Variants in TRPM3 observed in about 807,000 individuals in gnomAD.
TRPM3 encodes the protein long transient receptor potential channel 3.
A neutral mutation model predicts 181.2 loss-of-function variants in TRPM3; 77 were observed. That is an observed-to-expected ratio of 0.42 (90% CI 0.35 to 0.51). The LOEUF is 0.51. Among genes scored for constraint, TRPM3 ranks in the 20% least tolerant of loss-of-function variants. TRPM3 has a pLI of 0.01. For synonymous variants in TRPM3, 745 were observed against 796.4 expected (o/e 0.94, Z 1.09); for missense variants, 1,759 against 2,196.7 (o/e 0.80, Z 3.98).
At chr9:71,187,219 T>G (rs1285951380) in intron 1 of TRPM3, among the ~76,000 whole-genome samples, 1 of 152,016 alleles carries the variant, frequency 6.6e-6, no homozygotes, top group African/African-American at 2.4e-5. Context: ...TCCCCTCATT[T>G]CTAATTGGTT....
chr9:71,242,066 A>T (rs532731446), intron 1 of TRPM3, among the ~76,000 whole-genome samples: 1 of 152,360 alleles, frequency 6.6e-6, no homozygotes, highest in Non-Finnish European at 1.5e-5. Flanking sequence ...TAACTTGGGA[A>T]ATCACTGCCC....
intron 1 of TRPM3, among the ~76,000 whole-genome samples, chr9:71,189,162 A>T (rs2077861341): frequency 6.6e-6 from 1 of 151,764 alleles, no homozygotes; most frequent in Admixed American, 6.6e-5. Flanking sequence ...CAGTCCCTAG[A>T]CTCCTACTTC....
intron 1 of TRPM3, among the ~76,000 whole-genome samples, chr9:71,266,147 T>G (rs1466446686): frequency 1.3e-5 from 2 of 152,206 alleles, no homozygotes; most frequent in African/African-American, 4.8e-5. Flanking sequence ...GTTTTCATAT[T>G]GTAGCTCCCC....
At chr9:70,789,935 G>A (rs191251162) in intron 6 of TRPM3, among the ~76,000 whole-genome samples, 2 of 152,298 alleles carry the variant, frequency 1.3e-5, no homozygotes, top group Non-Finnish European at 2.9e-5. Flanking sequence ...GACTGGGAGA[G>A]GCATTGTGAG....
intron 1 of TRPM3, among the ~76,000 whole-genome samples, chr9:71,397,187 T>C (rs994761496): frequency 6.6e-6 from 1 of 152,188 alleles, no homozygotes; most frequent in Non-Finnish European, 1.5e-5. Context: ...TCCATTTAGA[T>C]AAAGATCATT....
Position 70,828,761 on chromosome 9 carries a change from A to G in TRPM3, c.802-743T>C, listed in dbSNP as rs1288314622. On this transcript the variant is annotated intron_variant, in intron 5 of 25. Coordinates refer to ENST00000677713, the MANE Select transcript of TRPM3 (RefSeq NM_001366145.2). ...CTATTGCGAGCTAGTTGCTCTATAC[A>G]TGTTATCTATATTCCTTGCGACGAT... Among the ~76,000 whole-genome samples the G allele has an allele frequency of 2.0e-5, 3 of 147,764 alleles. No individual in the cohort carries two copies. The East Asian group carries it at 5.9e-4, about 29-fold the overall frequency.
chr9:71,196,927 G>C (rs1360525034), intron 1 of TRPM3, among the ~76,000 whole-genome samples: 2 of 151,092 alleles, frequency 1.3e-5, no homozygotes, highest in African/African-American at 2.4e-5. Flanking sequence ...GTGCAGGTTA[G>C]TTACATATGT....
upstream of TRPM3, among the ~76,000 whole-genome samples, chr9:71,122,957 CATGT>C (rs1314947249): frequency 3.3e-5 from 5 of 152,192 alleles, no homozygotes; most frequent in African/African-American, 4.8e-5. Context: ...TAACGGCTCA[CATGT>C]ATCACCTAGC....
At chr9:70,905,098 T>C (rs766843961) in intron 1 of TRPM3, among the ~76,000 whole-genome samples, 16 of 152,176 alleles carry the variant, frequency 1.1e-4, no homozygotes, top group Non-Finnish European at 1.5e-4. Flanking sequence ...AATCATGGAT[T>C]ATCCACTTTC....
chr9:71,324,618 T>A (rs2089512629), intron 1 of TRPM3, among the ~76,000 whole-genome samples: 1 of 152,072 alleles, frequency 6.6e-6, no homozygotes, highest in African/African-American at 2.4e-5. Flanking sequence ...CAATACTGGG[T>A]ATCTATTCAA....
rs116299376 is a variant in TRPM3 at position 71,113,523 on chromosome 9, A to G, written c.177+7655T>C. Reference sequence around the variant, plus strand: ...TCTGCTGCAAAGTTTTTCTGCCTCTAATCATGAAAGTGTACAGTCTCCTAA... The same window carrying G: ...TCTGCTGCAAAGTTTTTCTGCCTCTGATCATGAAAGTGTACAGTCTCCTAA... On this transcript the variant is annotated intron_variant, in intron 1 of 25. Coordinates refer to ENST00000677713, the MANE Select transcript of TRPM3 (RefSeq NM_001366145.2). Among the ~76,000 whole-genome samples the G allele has an allele frequency of 4.7e-3, 710 of 152,300 alleles. 6 individuals are homozygous for G. Among genetic ancestry groups the G allele is most frequent in the African/African-American group, 0.015 (626 of 41,594 alleles).
intron 1 of TRPM3, among the ~76,000 whole-genome samples, chr9:71,420,799 GAAAGAGAGAAAGAA>G (rs1565557510): frequency 0.019 from 39 of 2,048 alleles, no homozygotes; most frequent in East Asian, 0.068. Context: ...GAGAGAGAAA[GAAAGAGAGAAAGAA>G]AGAGAGAAAG....
chr9:70,971,662 T>A (rs996245376), intron 1 of TRPM3, among the ~76,000 whole-genome samples: 12 of 152,248 alleles, frequency 7.9e-5, no homozygotes, highest in African/African-American at 2.9e-4. Flanking sequence ...GAGATAAATT[T>A]GTATTTTGGT....
chr9:70,625,233 C>T lies in TRPM3; in HGVS notation c.1767G>A (p.Lys589=), dbSNP rs1310843642. The T allele has an allele frequency of 6.2e-7, 1 of 1,614,134 alleles. No homozygotes were observed. The highest frequency in any genetic ancestry group is 8.5e-7 in the Non-Finnish European group (1 of 1,180,024). The change falls in exon 14 of 26, where the codon AAG becomes AAA. Residue 589 remains lysine, a synonymous_variant. Transcript: ENST00000677713. The surrounding 1 kb of genome is among the most constrained non-coding windows in gnomAD (Gnocchi z 4.8). ...GGAYRCNYTR[K]RFRTLYHNLF... Reference sequence around the variant, plus strand: ...GGTTGTGGTAGAGGGTCCGGAAGCGCTTGCGCGTGTAGTTGCAGCGATAAG... The same window carrying T: ...GGTTGTGGTAGAGGGTCCGGAAGCGTTTGCGCGTGTAGTTGCAGCGATAAG...
chr9:71,425,196 T>C (rs966768410), intron 1 of TRPM3, among the ~76,000 whole-genome samples: 1 of 152,152 alleles, frequency 6.6e-6, no homozygotes, highest in East Asian at 1.9e-4. Flanking sequence ...TGTACTATCA[T>C]CCTAATTAAC....
At chr9:70,944,858 A>G (rs538567696) in intron 1 of TRPM3, among the ~76,000 whole-genome samples, 8 of 151,840 alleles carry the variant, frequency 5.3e-5, no homozygotes, top group South Asian at 2.1e-4. Context: ...ATCTTCTCCC[A>G]TTGCATAGAG....
At chr9:70,924,854 CTAAGAA>C in intron 1 of TRPM3, among the ~76,000 whole-genome samples, 1 of 152,138 alleles carries the variant, frequency 6.6e-6, no homozygotes, top group African/African-American at 2.4e-5. Context: ...CAACAACCAT[CTAAGAA>C]CTCTTATTTT....
intron 1 of TRPM3, among the ~76,000 whole-genome samples, chr9:70,986,226 T>A (rs1564907184): frequency 6.6e-6 from 1 of 152,060 alleles, no homozygotes; most frequent in Non-Finnish European, 1.5e-5. Context: ...TAGCCAGGCA[T>A]GGTGGTGCAA....
At chr9:70,909,862 T>G (rs1393964426) in intron 1 of TRPM3, among the ~76,000 whole-genome samples, 1 of 152,192 alleles carries the variant, frequency 6.6e-6, no homozygotes, top group Non-Finnish European at 1.5e-5. Flanking sequence ...GATATACCAG[T>G]GCATTCCCAC....
Sources: gnomAD v4.1 joint callset for allele counts (sites outside exome capture counted in the v4.1 genomes callset) on GRCh38, gnomAD v4.1.1 for gene constraint, Gnocchi (gnomAD v3.1) non-coding constraint, MANE v1.5 for transcripts, NCBI Gene and HGNC (gene_info 2026-07-23, HGNC 2026-07-21) for gene names.